SSH2: variants seen among roughly 807,000 people sequenced by gnomAD.
The protein encoded by SSH2 is slingshot protein phosphatase 2.
In SSH2, 37 loss-of-function variants were observed where a neutral mutation model predicts 135.2. The ratio of observed to expected loss-of-function variants is 0.27; its 90% CI spans 0.21 to 0.36. The LOEUF is 0.36. Among genes scored for constraint, SSH2 ranks in the 10% least tolerant of loss-of-function variants. The pLI is 1.00. For missense variants in SSH2, 1,408 were observed against 1,765.3 expected (o/e 0.80, Z 3.63); for synonymous variants, 628 against 646.2 (o/e 0.97, Z 0.43).
At chr17:29,893,670 G>A (rs1018891324) in intron 1 of SSH2, among the ~76,000 whole-genome samples, 6 of 152,108 alleles carry the variant, frequency 3.9e-5, no homozygotes, top group Admixed American at 2.6e-4. Flanking sequence ...TAGCAGGAAT[G>A]AGACTATGAC....
chr17:29,685,154 C>T (rs1279903964), intron 5 of SSH2, among the ~76,000 whole-genome samples: 1 of 152,130 alleles, frequency 6.6e-6, no homozygotes, highest in Non-Finnish European at 1.5e-5. Flanking sequence ...ATACTGAATT[C>T]CTGCATGTTA....
Position 29,747,218 on chromosome 17 carries a change from C to CA in SSH2, c.189-44157dup, listed in dbSNP as rs1049536067. ...CAATTTAAATAGTTTAGTTCATTAC[C>CA]AAAAAAAATCAAATAATTCTACTTC... On this transcript the variant is annotated intron_variant, in intron 3 of 15. Coordinates refer to ENST00000540801, the MANE Select transcript of SSH2 (RefSeq NM_001282129.2). Among the ~76,000 whole-genome samples, 16 of 151,876 alleles carry CA rather than the reference C, an allele frequency of 1.1e-4. No individual in the cohort carries two copies. The East Asian group carries it at 1.2e-3, about 11-fold the overall frequency.
At position 29,632,432 on chromosome 17, in the gene SSH2, G is replaced by A. The variant is rs1434986826; in HGVS notation, c.2762C>T (p.Ser921Phe). Residue 921 changes from serine (S) to phenylalanine (F), a missense_variant, in exon 16 of 16, where the codon TCC (serine) becomes TTC (phenylalanine). Around this residue, in one of 3 missense-constraint regions of SSH2, gnomAD observed 1,080 missense variants for 1,144.5 expected, o/e 0.94. Coordinates refer to ENST00000540801, the MANE Select transcript of SSH2 (RefSeq NM_001282129.2). ...ATCATTCTTTGAATTCTTACGAGTG[G>A]ACAATGAGGTACATGTTGGGGCAGC... is the stretch of plus-strand genomic sequence containing the variant. ...HGAAPTCTSLSTRKNSKNDSS... is the reference protein window; with the variant it reads ...HGAAPTCTSLFTRKNSKNDSS... 1 of 1,614,172 alleles carries A rather than the reference G, an allele frequency of 6.2e-7. No individual in the cohort carries two copies. Among genetic ancestry groups the A allele is most frequent in the South Asian group, 1.1e-5 (1 of 91,090 alleles).
At chr17:29,801,422 T>G (rs2042249104) in intron 2 of SSH2, among the ~76,000 whole-genome samples, 1 of 152,188 alleles carries the variant, frequency 6.6e-6, no homozygotes. Context: ...GTCATCTCAT[T>G]TATCATTCTC....
intron 12 of SSH2, among the ~76,000 whole-genome samples, chr17:29,652,206 A>G (rs1260786236): frequency 6.6e-6 from 1 of 152,240 alleles, no homozygotes; most frequent in East Asian, 1.9e-4. Context: ...AAGGGTAAAC[A>G]CAAAATTACC....
Position 29,629,543 on chromosome 17 carries a change from A to T in SSH2, c.*1298T>A, listed in dbSNP as rs1344200117. ...GTACAGATTCCTATCAACACCCAAC[A>T]CTTTCATTTCTGGTGTCTGTGTTTT... is the stretch of plus-strand genomic sequence containing the variant. On this transcript the variant is annotated 3_prime_UTR_variant, in exon 16 of 16. Transcript: ENST00000540801. The T allele has an allele frequency of 6.6e-6, 1 of 152,648 alleles. No homozygotes were observed. Among genetic ancestry groups the T allele is most frequent in the African/African-American group, 2.4e-5 (1 of 41,456 alleles). 9.5% of individuals were successfully genotyped at this position (152,648 alleles called of 1,614,324 possible).
intron 2 of SSH2, among the ~76,000 whole-genome samples, chr17:29,796,347 A>G (rs1002624018): frequency 7.0e-4 from 106 of 152,022 alleles, no homozygotes; most frequent in African/African-American, 2.5e-3. Context: ...AATATTTTCT[A>G]TACTTTTTTT....
intron 1 of SSH2, among the ~76,000 whole-genome samples, chr17:29,883,783 A>G (rs2066182713): frequency 6.6e-6 from 1 of 152,016 alleles, no homozygotes; most frequent in East Asian, 1.9e-4. Context: ...TCTCACTTTT[A>G]TCTTCTATCT....
At chr17:29,856,402 A>T (rs2065663664) in intron 1 of SSH2, 1 of 192,682 alleles carries the variant, frequency 5.2e-6, no homozygotes, top group Admixed American at 6.3e-5. Context: ...TGATATTTTA[A>T]TGATGCATTA....
At chr17:29,800,688 T>A (rs886531763) in intron 2 of SSH2, among the ~76,000 whole-genome samples, 1 of 151,766 alleles carries the variant, frequency 6.6e-6, no homozygotes, top group African/African-American at 2.4e-5. Flanking sequence ...AATTTAATAA[T>A]TAAATGACTA....
chr17:29,735,004 T>C (rs1038001184), intron 3 of SSH2, among the ~76,000 whole-genome samples: 2 of 152,162 alleles, frequency 1.3e-5, no homozygotes, highest in Non-Finnish European at 2.9e-5. Context: ...TAAAGCACTC[T>C]ATTCAAGGTT....
intron 3 of SSH2, among the ~76,000 whole-genome samples, chr17:29,719,540 A>G (rs990842592): frequency 2.0e-5 from 3 of 152,024 alleles, no homozygotes; most frequent in African/African-American, 7.2e-5. Flanking sequence ...AAGAAAAAAA[A>G]AAGAAAAGGG....
At chr17:29,844,922 C>T (rs1392026705) in intron 2 of SSH2, among the ~76,000 whole-genome samples, 1 of 152,192 alleles carries the variant, frequency 6.6e-6, no homozygotes, top group Non-Finnish European at 1.5e-5. Flanking sequence ...TCTCTTCTTC[C>T]CACATACTGC....
At chr17:29,721,605 C>CA (rs1399193422) in intron 3 of SSH2, among the ~76,000 whole-genome samples, 2 of 152,180 alleles carry the variant, frequency 1.3e-5, no homozygotes, top group Admixed American at 6.5e-5. Flanking sequence ...CTAGACACCA[C>CA]AGGTCCAACC....
chr17:29,660,683 C>T (rs2036994332), intron 11 of SSH2, among the ~76,000 whole-genome samples: 1 of 151,990 alleles, frequency 6.6e-6, no homozygotes, highest in Non-Finnish European at 1.5e-5. Context: ...AAATGGAAAA[C>T]CCCTCTCTCT....
At chr17:29,678,131 T>C (rs954722442) in intron 6 of SSH2, among the ~76,000 whole-genome samples, 5 of 151,794 alleles carry the variant, frequency 3.3e-5, no homozygotes, top group African/African-American at 1.2e-4. Flanking sequence ...TCTTACTCTG[T>C]TGCCCAGGCT....
chr17:29,836,006 A>G (rs1299420751), intron 2 of SSH2, among the ~76,000 whole-genome samples: 1 of 150,894 alleles, frequency 6.6e-6, no homozygotes, highest in East Asian at 1.9e-4. Context: ...GTTTCTTTTG[A>G]AAGAATTATT....
chr17:29,857,173 C>T (rs1028331041), intron 1 of SSH2, among the ~76,000 whole-genome samples: 6 of 152,208 alleles, frequency 3.9e-5, no homozygotes, highest in South Asian at 4.1e-4. Context: ...AAGACATACC[C>T]GAAACTGGGC....
At chr17:29,842,389 G>T (rs978040409) in intron 2 of SSH2, among the ~76,000 whole-genome samples, 1 of 151,320 alleles carries the variant, frequency 6.6e-6, no homozygotes, top group Admixed American at 6.6e-5. Context: ...GGGAGGCGCA[G>T]GTTGCAGTGA....
Sources: allele counts gnomAD v4.1 joint callset (sites outside exome capture counted in the v4.1 genomes callset), GRCh38; gene constraint gnomAD v4.1.1; regional missense constraint gnomAD v4.1.1; transcripts MANE v1.5; gene names NCBI Gene and HGNC (gene_info 2026-07-23, HGNC 2026-07-21).